Variants in SIGLEC10 observed in about 807,000 individuals in gnomAD.
SIGLEC10 encodes sialic acid-binding Ig-like lectin 10.
In SIGLEC10, 45 loss-of-function variants were observed where a neutral mutation model predicts 68.3. The observed-to-expected ratio is 0.66, with a 90% CI of 0.52 to 0.84. The LOEUF (loss-of-function observed/expected upper bound fraction) is 0.84. SIGLEC10 is among the 40% of genes least tolerant of loss of function. SIGLEC10 has a pLI of 0.00. For synonymous variants in SIGLEC10, 379 were observed against 370.8 expected, an observed-to-expected ratio of 1.02 and a Z score of -0.26; for missense variants, 789 against 883.1, an observed-to-expected ratio of 0.89 and a Z score of 1.35.
chr19:51,415,404 T>C lies in SIGLEC10; in HGVS notation c.1107A>G (p.Pro369=), dbSNP rs757163761. Residue 369 remains proline, a synonymous_variant, in exon 7 of 11, where the codon CCA becomes CCG. Transcript: ENST00000339313. ...GGCACAGGCTTTGGCCCTCCAGTAC[T>C]GGGAGAGACGTGCCGTTCCCAAGGT... ...LENLGNGTSL[P]VLEGQSLCLV... is the part of the protein sequence containing the mutation. 8 of 1,607,342 alleles carry C rather than the reference T, an allele frequency of 5.0e-6. No homozygotes were observed. Among genetic ancestry groups the C allele is most frequent in the South Asian group, 2.2e-5 (2 of 90,522 alleles).
At position 51,411,094 on chromosome 19, in the gene SIGLEC10, G is replaced by C; in HGVS notation, c.*5C>G. The C allele has an allele frequency of 6.2e-7, 1 of 1,611,806 alleles. No individual in the cohort carries two copies. Among genetic ancestry groups the C allele is most frequent in the Non-Finnish European group, 8.5e-7 (1 of 1,178,270 alleles). Reference sequence around the variant, plus strand: ...GAAGTCCCAGTCCTAAAGCCTAAGAGACCCTCATTGGAACTTGACTTCTGC... The same window carrying C: ...GAAGTCCCAGTCCTAAAGCCTAAGACACCCTCATTGGAACTTGACTTCTGC... On this transcript the variant is annotated 3_prime_UTR_variant, in exon 11 of 11. Coordinates refer to ENST00000339313, the MANE Select transcript of SIGLEC10 (RefSeq NM_033130.5).
Position 51,416,336 on chromosome 19 carries a change from A to T in SIGLEC10, c.728T>A (p.Ile243Asn), listed in dbSNP as rs1226014363. ...RVAYAPRDLV[I>N]SISRDNTPAL... is the part of the protein sequence containing the mutation. ...TGGCGTGTTGTCACGTGAAATGCTG[A>T]TAACAAGGTCTCTGGGGGCATCTGC... The change falls in exon 4 of 11, where the codon ATC becomes AAC. Residue 243 changes from isoleucine (I) to asparagine (N), a missense_variant. By Grantham distance (149) the Ile-to-Asn change is moderately radical. Transcript: ENST00000339313. The T allele has an allele frequency of 1.9e-6, 3 of 1,613,990 alleles. No homozygotes were observed. Among genetic ancestry groups the T allele is most frequent in the Non-Finnish European group, 2.5e-6 (3 of 1,179,996 alleles).
chr19:51,411,033 T>A lies in SIGLEC10; in HGVS notation c.*66A>T, dbSNP rs1208814015. The A allele has an allele frequency of 3.3e-6, 5 of 1,532,942 alleles. No homozygotes were observed. The highest frequency in any genetic ancestry group is 4.4e-6 in the Non-Finnish European group (5 of 1,135,300). The allele number at this position is 1,532,942 out of a possible 1,614,324, so 95.0% of individuals were successfully genotyped here. On this transcript the variant is annotated 3_prime_UTR_variant, in exon 11 of 11. Transcript: ENST00000339313. The stretch of plus-strand genomic sequence containing the variant: ...GAGAGAAGGAAACTTTGCACTCTGT[T>A]ATCTTCAACCTCTTACTCTACCTTC...
chr19:51,417,206 C>T lies in SIGLEC10; in HGVS notation c.297G>A (p.Gly99=). The change falls in exon 2 of 11, where the codon GGG becomes GGA. Residue 99 remains glycine, a synonymous_variant. Coordinates refer to ENST00000339313, the MANE Select transcript of SIGLEC10 (RefSeq NM_033130.5). ...CGTCTCTGATCACCAAGGAGCAGTT[C>T]CCCTTGGCGGGATCCCCAGTGAGCT... ...RFQLTGDPAK[G]NCSLVIRDAQ... is the part of the protein sequence containing the mutation. 1.9e-6 allele frequency: 3 copies of T among 1,614,266 alleles called. No homozygotes were observed. Among genetic ancestry groups the T allele is most frequent in the Non-Finnish European group, 2.5e-6 (3 of 1,180,042 alleles).
rs943258919 is a variant in SIGLEC10 at position 51,414,657 on chromosome 19, C to T, written c.1616-142G>A. On this transcript the variant is annotated intron_variant, in intron 8 of 10. Coordinates refer to ENST00000339313, the MANE Select transcript of SIGLEC10 (RefSeq NM_033130.5). The surrounding 1 kb of genome is among the most constrained non-coding windows in gnomAD (Gnocchi z 4.1). ...TCTGTTTACTTTTAGGAAACCCTGC[C>T]ACACCCCGGCCCAGGTGTTAGGACT... 30 of 1,369,096 alleles carry T rather than the reference C, an allele frequency of 2.2e-5. No individual in the cohort carries two copies. The highest frequency in any genetic ancestry group is 1.7e-5 in the Non-Finnish European group (17 of 971,490). The allele number at this position is 1,369,096 out of a possible 1,614,324, so 84.8% of individuals were successfully genotyped here.
intron 3 of SIGLEC10, 73 bp from the exon 4 acceptor site, chr19:51,416,430 GA>G (rs1044514033): frequency 5.6e-6 from 9 of 1,612,968 alleles, no homozygotes; most frequent in Non-Finnish European, 7.6e-6. Context: ...CTCCCTCAGG[GA>G]AAAGAAAGTG....
At chr19:51,416,532 G>A (rs771088039) in intron 3 of SIGLEC10, 134 bp downstream of exon 3, 43 of 1,568,692 alleles carry the variant, frequency 2.7e-5, no homozygotes, top group Non-Finnish European at 2.9e-5. Flanking sequence ...GGGCTGCGGC[G>A]GCATCCTGGG....
chr19:51,414,500 A>T lies in SIGLEC10; in HGVS notation c.1631T>A (p.Ile544Asn). The change falls in exon 9 of 11, where the codon ATC (isoleucine) becomes AAC (asparagine). Residue 544 changes from isoleucine to asparagine, a missense_variant. Physicochemically the swap from Ile to Asn is moderately radical, Grantham distance 149. Transcript: ENST00000339313. The surrounding 1 kb of genome is among the most constrained non-coding windows in gnomAD (Gnocchi z 4.1). ...CGCTCCGTTGGAGAATGCCGTTGAGATGAGTCCCTTCTTATCTGCACACGG... is the reference window on the plus strand; with the variant it reads ...CGCTCCGTTGGAGAATGCCGTTGAGTTGAGTCCCTTCTTATCTGCACACGG... ...ILQLPDKKGL[I>N]STAFSNGAFL... 1.9e-6 allele frequency: 3 copies of T among 1,613,898 alleles called. No homozygotes were observed. Among genetic ancestry groups the T allele is most frequent in the Non-Finnish European group, 2.5e-6 (3 of 1,179,946 alleles).
chr19:51,416,147 C>T lies in SIGLEC10; in HGVS notation c.775G>A (p.Gly259Arg). 1 of 1,609,946 alleles carries T rather than the reference C, an allele frequency of 6.2e-7. No homozygotes were observed. The highest frequency in any genetic ancestry group is 8.5e-7 in the Non-Finnish European group (1 of 1,178,090). Residue 259 changes from glycine (G) to arginine (R), a missense_variant, in exon 5 of 11, where the codon GGA becomes AGA. Gly to Arg is a moderately radical substitution (Grantham distance 125). Coordinates refer to ENST00000339313, the MANE Select transcript of SIGLEC10 (RefSeq NM_033130.5). ...NTPALEPQPQ[G>R]NVPYLEAQKG... ...TGGGCTTCCAGGTATGGGACATTTC[C>T]CTGGGGCTGGGGCTCCAGGGCTGGA...
At chr19:51,411,703 G>A (rs748500396) in intron 10 of SIGLEC10, among the ~76,000 whole-genome samples, 74 of 152,092 alleles carry the variant, frequency 4.9e-4, no homozygotes, top group East Asian at 3.9e-4. Flanking sequence ...AAAATTAGCC[G>A]GGCGTGGTGA....
Position 51,417,364 on chromosome 19 carries a change from G to C in SIGLEC10, c.139C>G (p.Arg47Gly). 1.3e-5 allele frequency: 21 copies of C among 1,613,952 alleles called. No homozygotes were observed. Among genetic ancestry groups the C allele is most frequent in the Non-Finnish European group, 1.8e-5 (21 of 1,179,856 alleles). Residue 47 changes from arginine to glycine, a missense_variant, in exon 2 of 11, where the codon CGA becomes GGA. Transcript: ENST00000339313. ...ISVPCSFSYP[R>G]QDWTGSTPAY... ...GGGGTAGACCCTGTCCAGTCCTGTC[G>C]GGGGTAGGAGAAAGAGCAGGGCACA... is the stretch of plus-strand genomic sequence containing the variant.
Position 51,417,402 on chromosome 19 carries a change from C to T in SIGLEC10, c.101G>A (p.Gly34Asp). The T allele has an allele frequency of 6.2e-7, 1 of 1,614,202 alleles. No homozygotes were observed. The highest frequency in any genetic ancestry group is 8.5e-7 in the Non-Finnish European group (1 of 1,180,030). ...AGAGCAGGGCACAGAGATGCACAGGCCCTCCGGCACCATCACTGACTCCTG... is the reference window on the plus strand; with the variant it reads ...AGAGCAGGGCACAGAGATGCACAGGTCCTCCGGCACCATCACTGACTCCTG... ...RVQESVMVPE[G>D]LCISVPCSFS... The change falls in exon 2 of 11, where the codon GGC becomes GAC. Residue 34 changes from glycine (G) to aspartate (D), a missense_variant. By Grantham distance (94) the Gly-to-Asp change is moderately conservative (BLOSUM62 -1). Transcript: ENST00000339313.
chr19:51,412,775 CTT>C (rs113293263), intron 10 of SIGLEC10, among the ~76,000 whole-genome samples: 1 of 141,166 alleles, frequency 7.1e-6, no homozygotes, highest in African/African-American at 2.6e-5. Context: ...CAGGCGTGGC[CTT>C]TTTTTTTTTG....
Position 51,415,948 on chromosome 19 carries a change from G to A in SIGLEC10, c.974C>T (p.Ala325Val), listed in dbSNP as rs545594611. The change falls in exon 5 of 11, where the codon GCG becomes GTG. Residue 325 changes from alanine to valine, a missense_variant. Ala to Val is a moderately conservative substitution (Grantham distance 64). Coordinates refer to ENST00000339313, the MANE Select transcript of SIGLEC10 (RefSeq NM_033130.5). ...AGDSGRYTCR[A>V]ENRLGSQQRA... Reference sequence around the variant, plus strand: ...CTGCTGGGAGCCAAGCCTGTTCTCCGCTCGGCAGGTGTAGCGCCCTGAATC... The same window carrying A: ...CTGCTGGGAGCCAAGCCTGTTCTCCACTCGGCAGGTGTAGCGCCCTGAATC... 1.1e-5 allele frequency: 18 copies of A among 1,613,574 alleles called. No homozygotes were observed. The highest frequency in any genetic ancestry group is 1.8e-4 in the Middle Eastern group (1 of 5,648).
intron 10 of SIGLEC10, among the ~76,000 whole-genome samples, chr19:51,412,308 A>G (rs1988095283): frequency 6.6e-6 from 1 of 151,850 alleles, no homozygotes; most frequent in Non-Finnish European, 1.5e-5. Flanking sequence ...TAGTGAGGGA[A>G]GAGTAGGGAG....
intron 1 of SIGLEC10, 34 bp downstream of exon 1, chr19:51,417,511 G>A (rs749905603): frequency 1.5e-5 from 25 of 1,613,998 alleles, no homozygotes; most frequent in African/African-American, 1.2e-4. Flanking sequence ...CCCTAGCTCC[G>A]CCCCAGGTCC....
chr19:51,416,480 G>A, intron 3 of SIGLEC10, 123 bp from the exon 4 acceptor site: 3 of 1,599,536 alleles, frequency 1.9e-6, no homozygotes, highest in Non-Finnish European at 2.6e-6. Flanking sequence ...CAGCGCCAGG[G>A]CTCACGTGTG....
At chr19:51,417,010 T>A in intron 2 of SIGLEC10, 60 bp from the exon 3 acceptor site, 1 of 1,594,194 alleles carries the variant, frequency 6.3e-7, no homozygotes, top group Non-Finnish European at 8.6e-7. Context: ...GAGCCCTCTC[T>A]GCTCAGCCCA....
rs1988301438 is a variant in SIGLEC10, at chr19:51,414,262, G to A, written c.1709+160C>T. 1.2e-5 allele frequency: 8 copies of A among 648,798 alleles called. No individual in the cohort carries two copies. Among genetic ancestry groups the A allele is most frequent in the South Asian group, 3.8e-5 (2 of 52,716 alleles). 40.2% of individuals were successfully genotyped at this position (648,798 alleles called of 1,614,324 possible). ...TCTGGGAAGCAGACGCAGTTTGTCAGTTGGACAACATTCTGCATTTATGAG... is the reference window on the plus strand; with the variant it reads ...TCTGGGAAGCAGACGCAGTTTGTCAATTGGACAACATTCTGCATTTATGAG... On this transcript the variant is annotated intron_variant, in intron 9 of 10. Coordinates refer to ENST00000339313, the MANE Select transcript of SIGLEC10 (RefSeq NM_033130.5). This position sits in a 1 kb window ranked among gnomAD's most constrained non-coding sequence, Gnocchi z 4.1.
Sources: allele counts gnomAD v4.1 joint callset (sites outside exome capture counted in the v4.1 genomes callset), GRCh38; gene constraint gnomAD v4.1.1; non-coding constraint Gnocchi (gnomAD v3.1); transcripts MANE v1.5; gene names NCBI Gene and HGNC (gene_info 2026-07-23, HGNC 2026-07-21).